Variants in ARPP21 observed in about 807,000 individuals in gnomAD.
The protein encoded by ARPP21 is cAMP regulated phosphoprotein 21.
In ARPP21, 69 loss-of-function variants were observed where a neutral mutation model predicts 113.2. That is an observed-to-expected ratio of 0.61 (90% CI 0.50 to 0.74). ARPP21 has a LOEUF of 0.74. Ranked by LOEUF, ARPP21 falls within the 30% of genes least tolerant of loss-of-function variation. The probability of loss-of-function intolerance (pLI) is 0.00; values close to 1 mark genes in which losing one functional copy is unlikely to be tolerated. For missense variants in ARPP21, 1,070 were observed against 1,037.4 expected, an observed-to-expected ratio of 1.03 and a Z score of -0.43; for synonymous variants, 368 against 375.5, an observed-to-expected ratio of 0.98 and a Z score of 0.23.
chr3:35,694,522 G>T (rs1482270486), intron 9 of ARPP21, among the ~76,000 whole-genome samples: 1 of 151,448 alleles, frequency 6.6e-6, no homozygotes, highest in African/African-American at 2.4e-5. Flanking sequence ...TTTTGCAGAA[G>T]AAGAAAATTA....
rs1049705277 is a variant in ARPP21, at chr3:35,658,999, A to G, written c.-213+18601A>G. On this transcript the variant is annotated intron_variant, in intron 1 of 20. Coordinates refer to ENST00000684406, the MANE Select transcript of ARPP21 (RefSeq NM_001385562.1). ...CTTCATCAGAGGCATCAATCCTCAT[A>G]TTTAAATGATAAAGTCTTTGAATTT... 3.9e-5 allele frequency among the ~76,000 whole-genome samples: 6 copies of G among 152,290 alleles called. 1 individual carries two copies. The Middle Eastern group carries it at 0.014, about 345-fold the overall frequency.
At position 35,743,964 on chromosome 3, in the gene ARPP21, A is replaced by G; in HGVS notation, c.2136A>G (p.Ala712=). Residue 712 remains alanine, a splice_region_variant and synonymous_variant, in exon 19 of 21, where the codon GCA becomes GCG. Coordinates refer to ENST00000684406, the MANE Select transcript of ARPP21 (RefSeq NM_001385562.1). ...AGATGCCACAGGCAGCACAGCAAGC[A>G]GGTACTTGGAATCTGTTTCCCATTT... The part of the protein sequence containing the change: ...SQQMPQAAQQ[A]GYQPVLSGQQ... 6.2e-7 allele frequency: 1 copy of G among 1,614,100 alleles called. No individual in the cohort carries two copies. The highest frequency in any genetic ancestry group is 8.5e-7 in the Non-Finnish European group (1 of 1,179,982).
intron 9 of ARPP21, among the ~76,000 whole-genome samples, chr3:35,703,144 G>T (rs927742753): frequency 6.6e-6 from 1 of 151,794 alleles, no homozygotes; most frequent in Non-Finnish European, 1.5e-5. Context: ...AAGGATTAAG[G>T]TTAACTATTT....
intron 17 of ARPP21, 27 bp from the exon 18 acceptor site, chr3:35,739,290 T>C (rs1334950702): frequency 4.4e-6 from 7 of 1,604,834 alleles, no homozygotes; most frequent in Non-Finnish European, 5.1e-6. Context: ...TCCTGTGAAT[T>C]CCCTCATTTA....
chr3:35,727,600 A>G (rs2093629419), intron 14 of ARPP21, among the ~76,000 whole-genome samples: 1 of 152,236 alleles, frequency 6.6e-6, no homozygotes, highest in Non-Finnish European at 1.5e-5. Context: ...GATGGATTAT[A>G]TATTTTGACT....
chr3:35,670,570 A>T (rs945970448), intron 1 of ARPP21, among the ~76,000 whole-genome samples: 10 of 151,844 alleles, frequency 6.6e-5, no homozygotes, highest in Non-Finnish European at 1.0e-4. Flanking sequence ...CAACCACATG[A>T]TCTCTTTCAG....
chr3:35,672,591 C>T (rs2076594515), intron 1 of ARPP21, among the ~76,000 whole-genome samples: 3 of 152,032 alleles, frequency 2.0e-5, no homozygotes, highest in South Asian at 4.1e-4. Flanking sequence ...ACAAATCCTA[C>T]TATGTGCCAG....
chr3:35,750,791 T>A (rs946200822), intron 19 of ARPP21, among the ~76,000 whole-genome samples: 14 of 152,160 alleles, frequency 9.2e-5, no homozygotes, highest in African/African-American at 3.4e-4. Flanking sequence ...ATCTTTTAGT[T>A]CCTTTTGCAA....
chr3:35,657,405 C>G (rs1705512707), intron 1 of ARPP21, among the ~76,000 whole-genome samples: 1 of 152,052 alleles, frequency 6.6e-6, no homozygotes, highest in African/African-American at 2.4e-5. Flanking sequence ...TTAATTCTAG[C>G]CAGGGATCTG....
intron 1 of ARPP21, among the ~76,000 whole-genome samples, chr3:35,677,312 C>T (rs2077767165): frequency 6.6e-6 from 1 of 151,500 alleles, no homozygotes; most frequent in South Asian, 2.1e-4. Flanking sequence ...ACACTTAGGA[C>T]ATATCTATTT....
chr3:35,757,631 A>T (rs2095620956), intron 19 of ARPP21, among the ~76,000 whole-genome samples: 1 of 152,140 alleles, frequency 6.6e-6, no homozygotes, highest in Non-Finnish European at 1.5e-5. Flanking sequence ...AATATTTTAT[A>T]AATTGTGAAA....
intron 9 of ARPP21, among the ~76,000 whole-genome samples, chr3:35,695,038 T>C (rs2083436829): frequency 6.6e-6 from 1 of 150,734 alleles, no homozygotes; most frequent in South Asian, 2.1e-4. Flanking sequence ...ACTCTTTTTT[T>C]CTAAGAATGA....
intron 19 of ARPP21, among the ~76,000 whole-genome samples, chr3:35,790,093 T>C (rs541924844): frequency 6.6e-4 from 101 of 152,312 alleles, no homozygotes; most frequent in Non-Finnish European, 1.1e-3. Flanking sequence ...TTGTTTACAT[T>C]GTAACTGTAT....
intron 9 of ARPP21, among the ~76,000 whole-genome samples, chr3:35,691,256 T>A (rs2082156775): frequency 6.6e-6 from 1 of 151,698 alleles, no homozygotes; most frequent in African/African-American, 2.4e-5. Context: ...ATAATTTTCT[T>A]TCTTCCATCA....
At chr3:35,728,454 G>A (rs533203440) in intron 14 of ARPP21, among the ~76,000 whole-genome samples, 1 of 151,018 alleles carries the variant, frequency 6.6e-6, no homozygotes, top group East Asian at 2.0e-4. Context: ...TCCTGACCTT[G>A]TGATCCACCT....
Position 35,690,984 on chromosome 3 carries a change from A to G in ARPP21, c.665A>G (p.Asn222Ser), listed in dbSNP as rs1054166241. Residue 222 changes from asparagine to serine, a missense_variant, in exon 9 of 21, where the codon AAC becomes AGC. Transcript: ENST00000684406. ...VDQTGKSVII[N>S]KTSSTRIPEQ... ...CAAACAGGAAAATCTGTTATCATCA[A>G]CAAGACCAGCAGCACCAGAATGTAA... is the stretch of plus-strand genomic sequence containing the variant. 8 of 1,610,360 alleles carry G rather than the reference A, an allele frequency of 5.0e-6. No homozygotes were observed. In the African/African-American group the frequency reaches 8.0e-5, roughly 16 times the overall value.
chr3:35,662,739 A>G (rs907415776), intron 1 of ARPP21, among the ~76,000 whole-genome samples: 2 of 151,900 alleles, frequency 1.3e-5, no homozygotes, highest in Admixed American at 6.6e-5. Context: ...TCTGCAGCAG[A>G]GACAGTTCAA....
At position 35,734,505 on chromosome 3, in the gene ARPP21, G is replaced by T. The variant is rs915256780; in HGVS notation, c.1460-2673G>T. ...AAACAGTTGATTTTGTCACTGTTTT[G>T]CAAATATAATTCTGGCACATTTGCT... On this transcript the variant is annotated intron_variant, in intron 15 of 20. Transcript: ENST00000684406. Among the ~76,000 whole-genome samples the T allele has an allele frequency of 6.6e-5, 10 of 152,286 alleles. No individual in the cohort carries two copies. In the South Asian group the frequency reaches 2.1e-3, roughly 32 times the overall value.
intron 1 of ARPP21, among the ~76,000 whole-genome samples, chr3:35,674,663 C>A (rs1408917640): frequency 2.0e-5 from 3 of 151,744 alleles, no homozygotes; most frequent in Admixed American, 2.0e-4. Context: ...AGATCTCAGA[C>A]AACTTTATGG....
Sources: allele counts gnomAD v4.1 joint callset (sites outside exome capture counted in the v4.1 genomes callset), GRCh38; gene constraint gnomAD v4.1.1; transcripts MANE v1.5; gene names NCBI Gene and HGNC (gene_info 2026-07-23, HGNC 2026-07-21).